ZNF254: variants seen among roughly 807,000 people sequenced by gnomAD.
The protein encoded by ZNF254 is CTD-2017D11.1.
Under a neutral mutation model 12.4 loss-of-function variants are expected in ZNF254, and 10 were observed. That is an observed-to-expected ratio of 0.80 (90% CI 0.50 to 1.36). The LOEUF is 1.36. Among genes scored for constraint, ZNF254 ranks in the 40% most tolerant of loss-of-function variants. The pLI, the probability that ZNF254 is intolerant of heterozygous loss-of-function variation, is 0.00. For synonymous variants in ZNF254, 305 were observed against 253.4 expected, an observed-to-expected ratio of 1.20 and a Z score of -1.93; for missense variants, 996 against 763.9, an observed-to-expected ratio of 1.30 and a Z score of -3.58.
At chr19:24,118,886 T>C (rs574700898) in intron 3 of ZNF254, among the ~76,000 whole-genome samples, 2 of 151,870 alleles carry the variant, frequency 1.3e-5, no homozygotes, top group South Asian at 4.2e-4. Context: ...CTGAGTGGGG[T>C]GGATCATGAG....
chr19:24,043,682 G>A (rs1194507260), intron 1 of ZNF254, among the ~76,000 whole-genome samples: 2 of 152,050 alleles, frequency 1.3e-5, no homozygotes, highest in Non-Finnish European at 2.9e-5. Context: ...TGCACAAAGA[G>A]GCTTATAATT....
At chr19:24,037,305 T>C (rs1970002085) in intron 1 of ZNF254, among the ~76,000 whole-genome samples, 1 of 152,222 alleles carries the variant, frequency 6.6e-6, no homozygotes, top group African/African-American at 2.4e-5. Flanking sequence ...GAGTTCAAGA[T>C]TATAGCCCTA....
rs1970497175 is a variant in ZNF254 at position 24,048,506 on chromosome 19, C to T, written c.-94+2227C>T. 3.3e-5 allele frequency among the ~76,000 whole-genome samples: 5 copies of T among 152,340 alleles called. No homozygotes were observed. The East Asian group carries it at 9.7e-4, about 29-fold the overall frequency. The stretch of plus-strand genomic sequence containing the variant: ...TCGCCAGTGCAGTACCGCTTAGGTC[C>T]ACCAGAAAAGCTCAATGATGGCTCA... On this transcript the variant is annotated intron_variant, in intron 2 of 4. Coordinates refer to the ZNF254 transcript ENST00000613065.
chr19:24,046,582 A>G (rs533946044), intron 2 of ZNF254, among the ~76,000 whole-genome samples: 2 of 152,122 alleles, frequency 1.3e-5, no homozygotes, highest in Non-Finnish European at 2.9e-5. Flanking sequence ...AATTCAAAAT[A>G]TACATTAACT....
intron 2 of ZNF254, among the ~76,000 whole-genome samples, chr19:24,075,324 C>T (rs1971619244): frequency 6.6e-6 from 1 of 152,180 alleles, no homozygotes; most frequent in African/African-American, 2.4e-5. Flanking sequence ...ATATCTCTAT[C>T]AGGGGAACCA....
At chr19:24,091,640 G>C (rs1972389889) in intron 1 of ZNF254, among the ~76,000 whole-genome samples, 1 of 151,922 alleles carries the variant, frequency 6.6e-6, no homozygotes, top group South Asian at 2.1e-4. Flanking sequence ...CTGCAGGCCT[G>C]TGCCACCACA....
chr19:24,069,476 G>A (rs1028121602), intron 2 of ZNF254, among the ~76,000 whole-genome samples: 1 of 150,268 alleles, frequency 6.7e-6, no homozygotes. Context: ...GCGTGGTGGC[G>A]GGTGTCTAAT....
intron 2 of ZNF254, among the ~76,000 whole-genome samples, chr19:24,062,176 A>G (rs116717944): frequency 1.3e-5 from 2 of 152,078 alleles, no homozygotes; most frequent in South Asian, 2.1e-4. Flanking sequence ...TCTCTTGTAT[A>G]TTGTGTAAAG....
At chr19:24,036,557 C>G (rs988102949) in intron 1 of ZNF254, among the ~76,000 whole-genome samples, 3 of 152,086 alleles carry the variant, frequency 2.0e-5, no homozygotes, top group Non-Finnish European at 4.4e-5. Context: ...AAGGAGGTAT[C>G]AGAATTGAGT....
intron 2 of ZNF254, chr19:24,046,349 T>G (rs1970380025): frequency 7.3e-6 from 1 of 137,712 alleles, no homozygotes; most frequent in African/African-American, 2.7e-5. Flanking sequence ...GATTTTCTTT[T>G]GTCTTCCATT....
intron 1 of ZNF254, among the ~76,000 whole-genome samples, chr19:24,043,366 A>G (rs556308457): frequency 6.6e-6 from 1 of 152,144 alleles, no homozygotes; most frequent in Non-Finnish European, 1.5e-5. Context: ...GGTTCAAGCA[A>G]TTCTCCTGTC....
intron 1 of ZNF254, among the ~76,000 whole-genome samples, chr19:24,102,632 C>CA (rs1290906735): frequency 1.3e-5 from 2 of 152,048 alleles, no homozygotes; most frequent in Non-Finnish European, 2.9e-5. Context: ...TTGGTGCTCA[C>CA]ACTTTTCTGA....
At chr19:24,091,467 T>C (rs1186931153) in intron 1 of ZNF254, among the ~76,000 whole-genome samples, 3 of 152,130 alleles carry the variant, frequency 2.0e-5, no homozygotes, top group Non-Finnish European at 1.5e-5. Context: ...TGAACATCTT[T>C]GTTCTATATC....
At chr19:24,050,847 C>T (rs373162949) in intron 2 of ZNF254, among the ~76,000 whole-genome samples, 8 of 151,034 alleles carry the variant, frequency 5.3e-5, no homozygotes, top group African/African-American at 1.2e-4. Context: ...TACAGGCATG[C>T]GCCACCACAC....
rs1033818169 is a variant in ZNF254 at position 24,110,760 on chromosome 19, T to C, written c.253+4117T>C. On this transcript the variant is annotated intron_variant, in intron 3 of 3. Coordinates refer to ENST00000357002, the MANE Select transcript of ZNF254 (RefSeq NM_203282.4). ...TTTATGAGTGTAATTACTTTAAATA[T>C]TTATATAAGTAAAATCATAACATCC... Among the ~76,000 whole-genome samples, 19 of 152,142 alleles carry C rather than the reference T, an allele frequency of 1.2e-4. 1 individual carries two copies. Among genetic ancestry groups the C allele is most frequent in the Admixed American group, 6.6e-4 (10 of 15,266 alleles).
chr19:24,033,911 T>C (rs749163167), intron 1 of ZNF254, among the ~76,000 whole-genome samples: 1 of 152,204 alleles, frequency 6.6e-6, no homozygotes, highest in Non-Finnish European at 1.5e-5. Context: ...GAATCCTGAC[T>C]TGGTGTGTGC....
chr19:24,053,628 G>A (rs1232487040), intron 2 of ZNF254, among the ~76,000 whole-genome samples: 2 of 152,090 alleles, frequency 1.3e-5, no homozygotes, highest in East Asian at 3.9e-4. Flanking sequence ...ATATATTGCT[G>A]GGTCAGAACC....
chr19:24,120,831 T>G (rs1293223442), intron 3 of ZNF254, among the ~76,000 whole-genome samples: 4 of 151,846 alleles, frequency 2.6e-5, no homozygotes, highest in Non-Finnish European at 5.9e-5. Flanking sequence ...CCTGGCTAAT[T>G]TTGTTTTTTT....
chr19:24,118,007 G>T (rs1386290946), intron 3 of ZNF254, among the ~76,000 whole-genome samples: 1 of 150,918 alleles, frequency 6.6e-6, no homozygotes. Flanking sequence ...AATAGTATGT[G>T]CATCCTTGTT....
Sources: allele counts gnomAD v4.1 joint callset (sites outside exome capture counted in the v4.1 genomes callset), GRCh38; gene constraint gnomAD v4.1.1; transcripts MANE v1.5; gene names NCBI Gene and HGNC (gene_info 2026-07-23, HGNC 2026-07-21).